Variants in PDE4D observed in about 807,000 individuals in gnomAD.
PDE4D encodes 3',5'-cyclic-AMP phosphodiesterase 4D.
In PDE4D, 24 loss-of-function variants were observed where a neutral mutation model predicts 87.4. That is an observed-to-expected ratio of 0.27 (90% CI 0.20 to 0.39). PDE4D has a LOEUF of 0.39. Ranked by LOEUF, PDE4D falls within the 10% of genes least tolerant of loss-of-function variation. PDE4D has a pLI of 1.00. For missense variants in PDE4D, 714 were observed against 1,041.0 expected, an observed-to-expected ratio of 0.69 and a Z score of 4.32; for synonymous variants, 384 against 383.2, an observed-to-expected ratio of 1.00 and a Z score of -0.02.
At chr5:59,561,362 A>G (rs1819947751) in intron 1 of PDE4D, among the ~76,000 whole-genome samples, 1 of 152,170 alleles carries the variant, frequency 6.6e-6, no homozygotes, top group South Asian at 2.1e-4. Context: ...ACAAGCTACT[A>G]GCTCTGATTT....
intron 1 of PDE4D, among the ~76,000 whole-genome samples, chr5:59,692,438 A>T (rs1290758826): frequency 1.3e-5 from 2 of 152,172 alleles, no homozygotes; most frequent in African/African-American, 4.8e-5. Flanking sequence ...ATAGCCTCTA[A>T]AATCTTCATC....
intron 1 of PDE4D, among the ~76,000 whole-genome samples, chr5:59,414,233 G>T (rs1194294245): frequency 6.6e-6 from 1 of 152,186 alleles, no homozygotes; most frequent in African/African-American, 2.4e-5. Flanking sequence ...TGATTTCAAA[G>T]ATATGGAATG....
chr5:58,986,651 G>A (rs1402540959), intron 11 of PDE4D, among the ~76,000 whole-genome samples: 2 of 152,158 alleles, frequency 1.3e-5, no homozygotes, highest in African/African-American at 2.4e-5. Context: ...GATCTGAGAT[G>A]GAACAGTTTC....
At chr5:59,504,551 A>G (rs1277500226) in intron 1 of PDE4D, among the ~76,000 whole-genome samples, 1 of 152,134 alleles carries the variant, frequency 6.6e-6, no homozygotes, top group Non-Finnish European at 1.5e-5. Flanking sequence ...CATACAATTT[A>G]ATTTCTGTAA....
intron 1 of PDE4D, among the ~76,000 whole-genome samples, chr5:59,410,782 A>G (rs1418794695): frequency 2.6e-5 from 4 of 152,164 alleles, no homozygotes; most frequent in African/African-American, 9.6e-5. Flanking sequence ...AATCTTAGCT[A>G]TTGTGAATAG....
intron 1 of PDE4D, among the ~76,000 whole-genome samples, chr5:59,623,748 G>A (rs1418931682): frequency 6.6e-6 from 1 of 152,128 alleles, no homozygotes. Flanking sequence ...GATGTTCAAT[G>A]AATCGTGCTA....
At chr5:59,382,295 G>A (rs1190744347) in intron 1 of PDE4D, among the ~76,000 whole-genome samples, 1 of 152,076 alleles carries the variant, frequency 6.6e-6, no homozygotes, top group East Asian at 1.9e-4. Flanking sequence ...CAACCGAATG[G>A]GTGGTGAAAC....
chr5:59,406,779 G>T (rs1382631832), intron 1 of PDE4D, among the ~76,000 whole-genome samples: 1 of 151,952 alleles, frequency 6.6e-6, no homozygotes, highest in Non-Finnish European at 1.5e-5. Flanking sequence ...TGATAATTTT[G>T]TATAGTATCC....
intron 1 of PDE4D, among the ~76,000 whole-genome samples, chr5:60,252,384 CA>C (rs1475899225): frequency 6.9e-6 from 1 of 145,216 alleles, no homozygotes; most frequent in Non-Finnish European, 1.5e-5. Flanking sequence ...CAAAATTTCA[CA>C]GCACACTTTT....
intron 1 of PDE4D, among the ~76,000 whole-genome samples, chr5:59,654,759 C>T (rs540370711): frequency 6.6e-6 from 1 of 152,130 alleles, no homozygotes; most frequent in Admixed American, 6.5e-5. Flanking sequence ...CAACCCTAGG[C>T]AATCATTAAT....
intron 5 of PDE4D, among the ~76,000 whole-genome samples, chr5:59,147,317 A>G (rs372069794): frequency 1.3e-5 from 2 of 152,234 alleles, no homozygotes; most frequent in East Asian, 3.8e-4. Context: ...ATCTTAAGCT[A>G]CAATGGAGGG....
Position 59,793,380 on chromosome 5 carries a change from G to A in PDE4D, c.455+99788C>T, listed in dbSNP as rs113610557. ...TTTATTTCATGCCTGCTGAATAATT[G>A]TTTAGTTAATAAATGTCCTTATGTA... On this transcript the variant is annotated intron_variant, in intron 1 of 14. Coordinates refer to ENST00000340635, the MANE Select transcript of PDE4D (RefSeq NM_001104631.2). Among the ~76,000 whole-genome samples the A allele has an allele frequency of 9.9e-3, 1,511 of 152,282 alleles. 19 individuals are homozygous for A. The highest frequency in any genetic ancestry group is 0.035 in the African/African-American group (1,444 of 41,550).
intron 1 of PDE4D, chr5:59,356,721 A>G (rs771658551): frequency 1.9e-5 from 29 of 1,548,630 alleles, no homozygotes; most frequent in Middle Eastern, 3.4e-4. Flanking sequence ...AGGCAGTTAA[A>G]CAATTCTTCC....
chr5:58,978,950 T>A (rs192355204), intron 11 of PDE4D, among the ~76,000 whole-genome samples: 4 of 152,232 alleles, frequency 2.6e-5, no homozygotes, highest in Non-Finnish European at 5.9e-5. Flanking sequence ...CAAACATATA[T>A]TGAAAGGAAG....
At chr5:60,271,791 T>C (rs556071462) in intron 1 of PDE4D, among the ~76,000 whole-genome samples, 1 of 152,222 alleles carries the variant, frequency 6.6e-6, no homozygotes, top group South Asian at 2.1e-4. Context: ...CCATATAAAG[T>C]AAAAGATACA....
chr5:59,518,348 C>T (rs1028609643), intron 1 of PDE4D, among the ~76,000 whole-genome samples: 9 of 151,980 alleles, frequency 5.9e-5, no homozygotes, highest in African/African-American at 2.2e-4. Flanking sequence ...TTTTTACTGT[C>T]TGCACACTAT....
At chr5:59,799,232 C>G (rs564832334) in intron 1 of PDE4D, among the ~76,000 whole-genome samples, 26 of 152,332 alleles carry the variant, frequency 1.7e-4, no homozygotes, top group African/African-American at 6.0e-4. Context: ...TCATTGACAA[C>G]TTTGGGGTCT....
At chr5:60,041,149 T>A (rs1279323117) in intron 2 of PDE4D, among the ~76,000 whole-genome samples, 1 of 152,230 alleles carries the variant, frequency 6.6e-6, no homozygotes, top group African/African-American at 2.4e-5. Context: ...TGTTCATAAA[T>A]GAAGCTTTGG....
At chr5:59,306,323 T>C (rs1261555836) in intron 1 of PDE4D, among the ~76,000 whole-genome samples, 3 of 152,182 alleles carry the variant, frequency 2.0e-5, no homozygotes, top group African/African-American at 7.2e-5. Context: ...GATAGTTGGT[T>C]GGTGAGTTCT....
Sources: gnomAD v4.1 joint callset for allele counts (sites outside exome capture counted in the v4.1 genomes callset) on GRCh38, gnomAD v4.1.1 for gene constraint, MANE v1.5 for transcripts, NCBI Gene and HGNC (gene_info 2026-07-23, HGNC 2026-07-21) for gene names.